The following GALNT17 variants were observed in gnomAD, a reference collection of about 807,000 sequenced individuals.
GALNT17 encodes polypeptide N-acetylgalactosaminyltransferase 17, also known as UDP-GalNAc:polypeptide N-acetylgalactosaminyltransferase-like 3.
In GALNT17, 29 loss-of-function variants were observed where a neutral mutation model predicts 63.7. The ratio of observed to expected loss-of-function variants is 0.46; its 90% CI spans 0.34 to 0.62. The LOEUF (loss-of-function observed/expected upper bound fraction) is 0.62, where lower values mean the gene tolerates loss of function less well. Among genes scored for constraint, GALNT17 ranks in the 20% least tolerant of loss-of-function variants. GALNT17 has a pLI of 0.01. For synonymous variants in GALNT17, 305 were observed against 318.3 expected, an observed-to-expected ratio of 0.96 and a Z score of 0.45; for missense variants, 603 against 799.6, an observed-to-expected ratio of 0.75 and a Z score of 2.97.
intron 1 of GALNT17, among the ~76,000 whole-genome samples, chr7:71,167,385 G>A (rs1788462553): frequency 6.6e-6 from 1 of 152,012 alleles, no homozygotes; most frequent in South Asian, 2.1e-4. Context: ...TTTGTCATTT[G>A]TATAGCTTCT....
At chr7:71,292,614 A>G (rs1024611588) in intron 1 of GALNT17, among the ~76,000 whole-genome samples, 1 of 151,758 alleles carries the variant, frequency 6.6e-6, no homozygotes, top group Non-Finnish European at 1.5e-5. Context: ...TTATCTCCAC[A>G]TAGGTACCAT....
chr7:71,306,250 A>G (rs1181914872), intron 1 of GALNT17, among the ~76,000 whole-genome samples: 2 of 145,334 alleles, frequency 1.4e-5, no homozygotes, highest in Admixed American at 7.2e-5. Context: ...TAATTTTGGT[A>G]AAACATACAT....
chr7:71,235,779 GC>G (rs1410592183), intron 1 of GALNT17, among the ~76,000 whole-genome samples: 3 of 152,164 alleles, frequency 2.0e-5, no homozygotes, highest in Admixed American at 1.3e-4. Flanking sequence ...GGAAGGGGGT[GC>G]CCTTCTCCTC....
At chr7:71,586,563 G>A (rs1789720206) in intron 6 of GALNT17, among the ~76,000 whole-genome samples, 1 of 152,118 alleles carries the variant, frequency 6.6e-6, no homozygotes, top group Non-Finnish European at 1.5e-5. Flanking sequence ...TAGAAGATGT[G>A]TGTTCAACTT....
At chr7:71,690,382 A>G (rs573394108) in intron 9 of GALNT17, among the ~76,000 whole-genome samples, 1 of 152,176 alleles carries the variant, frequency 6.6e-6, no homozygotes, top group African/African-American at 2.4e-5. Context: ...AAAAAAAAAA[A>G]GATTCCTTTC....
chr7:71,422,972 A>G (rs1020844517), intron 5 of GALNT17, among the ~76,000 whole-genome samples: 4 of 152,158 alleles, frequency 2.6e-5, no homozygotes, highest in Admixed American at 6.5e-5. Flanking sequence ...CTCTCCTTCA[A>G]CTACCCCTGG....
intron 6 of GALNT17, among the ~76,000 whole-genome samples, chr7:71,607,701 T>A (rs991422922): frequency 1.3e-5 from 2 of 152,212 alleles, no homozygotes; most frequent in African/African-American, 4.8e-5. Flanking sequence ...CATAAAGATA[T>A]AATCTATGAA....
At position 71,280,497 on chromosome 7, in the gene GALNT17, A is replaced by G. The variant is rs1391223066; in HGVS notation, c.239-55053A>G. Among the ~76,000 whole-genome samples the G allele has an allele frequency of 3.3e-5, 5 of 152,206 alleles. No individual in the cohort carries two copies. The East Asian group carries it at 5.8e-4, about 18-fold the overall frequency. On this transcript the variant is annotated intron_variant, in intron 1 of 10. Coordinates refer to ENST00000333538, the MANE Select transcript of GALNT17 (RefSeq NM_022479.3). ...AAGATCAAGATTAGGACATTGACCTATGAAGACCCTCTTGGTTGCAAGTGA... is the reference window on the plus strand; with the variant it reads ...AAGATCAAGATTAGGACATTGACCTGTGAAGACCCTCTTGGTTGCAAGTGA...
rs548613366 is a variant in GALNT17 at position 71,410,508 on chromosome 7, A to G, written c.590-5381A>G. 5.8e-3 allele frequency among the ~76,000 whole-genome samples: 878 copies of G among 152,292 alleles called. 10 individuals are homozygous for G. The highest frequency in any genetic ancestry group is 0.021 in the African/African-American group (853 of 41,560). Reference sequence around the variant, plus strand: ...TGATCCACCCACCTTGGCCTCCCAAAGTGCTGGGATTATAGGTGTGAGCCA... The same window carrying G: ...TGATCCACCCACCTTGGCCTCCCAAGGTGCTGGGATTATAGGTGTGAGCCA... On this transcript the variant is annotated intron_variant, in intron 3 of 10. Coordinates refer to ENST00000333538, the MANE Select transcript of GALNT17 (RefSeq NM_022479.3).
intron 5 of GALNT17, among the ~76,000 whole-genome samples, chr7:71,513,765 A>G (rs1788402731): frequency 6.6e-6 from 1 of 152,144 alleles, no homozygotes; most frequent in Non-Finnish European, 1.5e-5. Flanking sequence ...AAAATTTAGT[A>G]AGAGAAATTG....
intron 3 of GALNT17, among the ~76,000 whole-genome samples, chr7:71,413,057 A>C (rs1389746869): frequency 6.6e-6 from 1 of 152,188 alleles, no homozygotes; most frequent in Non-Finnish European, 1.5e-5. Context: ...GGAAAATAAA[A>C]TAAAAATAAA....
intron 5 of GALNT17, among the ~76,000 whole-genome samples, chr7:71,524,775 A>G (rs1033457307): frequency 1.3e-5 from 2 of 152,166 alleles, no homozygotes; most frequent in Non-Finnish European, 2.9e-5. Context: ...GCTTTTGCCC[A>G]TCTTTTTAAC....
intron 6 of GALNT17, among the ~76,000 whole-genome samples, chr7:71,582,541 A>G (rs1789651738): frequency 6.6e-6 from 1 of 152,082 alleles, no homozygotes; most frequent in African/African-American, 2.4e-5. Context: ...AGATCGTGCC[A>G]CTGCACTCCA....
chr7:71,182,759 T>G (rs997184802), intron 1 of GALNT17, among the ~76,000 whole-genome samples: 2 of 152,036 alleles, frequency 1.3e-5, no homozygotes, highest in African/African-American at 4.8e-5. Flanking sequence ...GCTGACAGAC[T>G]GGGGAGGACT....
chr7:71,637,631 G>A (rs1479656848), intron 6 of GALNT17, among the ~76,000 whole-genome samples: 2 of 152,120 alleles, frequency 1.3e-5, no homozygotes, highest in Admixed American at 6.5e-5. Flanking sequence ...ATGGAACCAT[G>A]GGAACAGGGG....
intron 6 of GALNT17, among the ~76,000 whole-genome samples, chr7:71,583,492 T>C (rs1304759628): frequency 1.3e-5 from 2 of 152,160 alleles, no homozygotes; most frequent in African/African-American, 4.8e-5. Flanking sequence ...TGTAAGTTTG[T>C]CTCTGCAGTG....
chr7:71,636,848 A>T (rs189986981), intron 6 of GALNT17, among the ~76,000 whole-genome samples: 1 of 152,322 alleles, frequency 6.6e-6, no homozygotes, highest in East Asian at 1.9e-4. Context: ...CAGTGGTACA[A>T]GAGGTAAAAC....
At chr7:71,438,321 A>T (rs1344707663) in intron 5 of GALNT17, among the ~76,000 whole-genome samples, 1 of 152,168 alleles carries the variant, frequency 6.6e-6, no homozygotes, top group Non-Finnish European at 1.5e-5. Flanking sequence ...GCAGTCTGGG[A>T]GGCTAAGCTA....
chr7:71,670,449 G>A (rs1327998476), intron 8 of GALNT17, among the ~76,000 whole-genome samples: 1 of 152,288 alleles, frequency 6.6e-6, no homozygotes, highest in Non-Finnish European at 1.5e-5. Context: ...AGGCAGGAGG[G>A]TTGGAGTCCT....
Sources: gnomAD v4.1 joint callset for allele counts (sites outside exome capture counted in the v4.1 genomes callset) on GRCh38, gnomAD v4.1.1 for gene constraint, MANE v1.5 for transcripts, NCBI Gene and HGNC (gene_info 2026-07-23, HGNC 2026-07-21) for gene names.